DDX60L: variants seen among roughly 807,000 people sequenced by gnomAD.
The protein encoded by DDX60L is DExD/H-box 60 like, also known as probable ATP-dependent RNA helicase DDX60-like.
DDX60L carries 191 observed loss-of-function variants against 211.6 expected under a neutral mutation model. The observed-to-expected ratio is 0.90, with a 90% CI of 0.80 to 1.02. The LOEUF (loss-of-function observed/expected upper bound fraction) is 1.02, where lower values mean the gene tolerates loss of function less well. DDX60L is among the 50% of genes least tolerant of loss of function. The pLI is 0.00. For synonymous variants in DDX60L, 706 were observed against 694.1 expected, an observed-to-expected ratio of 1.02 and a Z score of -0.27; for missense variants, 2,007 against 1,984.1, an observed-to-expected ratio of 1.01 and a Z score of -0.22.
chr4:168,360,095 A>T (rs1738850210), intron 37 of DDX60L, among the ~76,000 whole-genome samples: 1 of 152,186 alleles, frequency 6.6e-6, no homozygotes, highest in Non-Finnish European at 1.5e-5. Flanking sequence ...CATTAATCAT[A>T]AAGTTATTTA....
At chr4:168,399,696 G>A (rs1372483389) in intron 26 of DDX60L, among the ~76,000 whole-genome samples, 1 of 152,170 alleles carries the variant, frequency 6.6e-6, no homozygotes, top group African/African-American at 2.4e-5. Flanking sequence ...GAGCCAGTAA[G>A]TGAGGATGGA....
rs73863612 is a variant in DDX60L, at chr4:168,454,065, C to T, written c.838-783G>A. Among the ~76,000 whole-genome samples, 1,015 of 152,206 alleles carry T rather than the reference C, an allele frequency of 6.7e-3. 14 individuals are homozygous for T. Among genetic ancestry groups the T allele is most frequent in the African/African-American group, 0.02 (844 of 41,534 alleles). ...GAGAAATCAGCTTTTATACCCAGAACCCTATGATGGGTGCTATTCACACTC... is the reference window on the plus strand; with the variant it reads ...GAGAAATCAGCTTTTATACCCAGAATCCTATGATGGGTGCTATTCACACTC... On this transcript the variant is annotated intron_variant, in intron 7 of 37. Transcript: ENST00000682922.
Position 168,420,320 on chromosome 4 carries a change from C to T in DDX60L, c.2455G>A (p.Gly819Ser), listed in dbSNP as rs753905698. The T allele has an allele frequency of 1.5e-5, 24 of 1,611,716 alleles. No individual in the cohort carries two copies. Among genetic ancestry groups the T allele is most frequent in the East Asian group, 2.2e-5 (1 of 44,850 alleles). Residue 819 changes from glycine (G) to serine (S), a missense_variant, in exon 18 of 38, where the codon GGC (glycine) becomes AGC (serine). Gly to Ser is a moderately conservative substitution (Grantham distance 56, BLOSUM62 0). Coordinates refer to ENST00000682922, the MANE Select transcript of DDX60L (RefSeq NM_001012967.3). ...ENRFTKTLPA[G>S]RTLCGAFTRD... ...GTAAAAGCACCGCATAGAGTTCTGC[C>T]GGCAGGCAACGTTTTAGTAAAACGA...
intron 8 of DDX60L, among the ~76,000 whole-genome samples, chr4:168,449,644 A>AAAAAG (rs1755416366): frequency 1.4e-5 from 1 of 72,992 alleles, no homozygotes; most frequent in African/African-American, 6.3e-5. Flanking sequence ...AAACAAAAAA[A>AAAAAG]AAAAATGCAA....
chr4:168,379,302 T>C (rs2149674275), intron 32 of DDX60L, 61 bp downstream of exon 32: 2 of 1,353,418 alleles, frequency 1.5e-6, no homozygotes, highest in Non-Finnish European at 9.9e-7. Context: ...ATATCTGCGG[T>C]TTTGGCTATT....
Position 168,430,469 on chromosome 4 carries a change from G to C in DDX60L, c.1677+9C>G, listed in dbSNP as rs773049088. On this transcript the variant is annotated intron_variant, in intron 13 of 37. Transcript: ENST00000682922. ...AAGAAAAAAATTAGGTAAAATCTTT[G>C]CGATCTACCTGTAATATTTCACCAC... 96 of 1,556,678 alleles carry C rather than the reference G, an allele frequency of 6.2e-5. 1 individual carries two copies. Among genetic ancestry groups the C allele is most frequent in the Admixed American group, 4.1e-4 (19 of 46,234 alleles).
intron 6 of DDX60L, among the ~76,000 whole-genome samples, chr4:168,457,493 T>C (rs1439142623): frequency 2.0e-5 from 3 of 150,780 alleles, no homozygotes; most frequent in East Asian, 3.9e-4. Flanking sequence ...TGATAAATAG[T>C]AGTATAAAGC....
At chr4:168,413,513 T>TAG (rs1374942296) in intron 22 of DDX60L, among the ~76,000 whole-genome samples, 3 of 151,954 alleles carry the variant, frequency 2.0e-5, no homozygotes, top group Non-Finnish European at 4.4e-5. Context: ...AATAGAATGA[T>TAG]AGCAGGATCC....
At chr4:168,410,187 T>C (rs1748443941) in intron 22 of DDX60L, among the ~76,000 whole-genome samples, 1 of 152,018 alleles carries the variant, frequency 6.6e-6, no homozygotes, top group African/African-American at 2.4e-5. Flanking sequence ...TTGGTGTCAT[T>C]TAAAAAGTAC....
intron 1 of DDX60L, among the ~76,000 whole-genome samples, chr4:168,473,377 A>G (rs1244698754): frequency 6.6e-6 from 1 of 152,208 alleles, no homozygotes; most frequent in African/African-American, 2.4e-5. Flanking sequence ...GAGGTGCATA[A>G]AGAAAGCTAC....
Position 168,441,191 on chromosome 4 carries a change from T to C in DDX60L, c.1294+146A>G, listed in dbSNP as rs867715804. ...GGTTTACTTTAACCACATTATTATATGTATTTTAAACCTCAATTAAGAGGT... is the reference window on the plus strand; with the variant it reads ...GGTTTACTTTAACCACATTATTATACGTATTTTAAACCTCAATTAAGAGGT... On this transcript the variant is annotated intron_variant, in intron 10 of 37. Coordinates refer to ENST00000682922, the MANE Select transcript of DDX60L (RefSeq NM_001012967.3). The C allele has an allele frequency of 2.3e-5, 17 of 725,498 alleles. 1 individual carries two copies. Among genetic ancestry groups the C allele is most frequent in the African/African-American group, 1.4e-4 (8 of 56,612 alleles). The allele number at this position is 725,498 out of a possible 1,614,324, so 44.9% of individuals were successfully genotyped here. A position where few individuals can be genotyped will look rare whatever the true frequency, so the allele number is the denominator to read the frequency against.
At chr4:168,376,908 A>T (rs1256147501) in intron 33 of DDX60L, among the ~76,000 whole-genome samples, 1 of 152,238 alleles carries the variant, frequency 6.6e-6, no homozygotes, top group Non-Finnish European at 1.5e-5. Flanking sequence ...TAGAGCAGTT[A>T]TCCCAAATTA....
chr4:168,367,036 A>G (rs1174996740), intron 36 of DDX60L, among the ~76,000 whole-genome samples: 1 of 152,066 alleles, frequency 6.6e-6, no homozygotes, highest in African/African-American at 2.4e-5. Flanking sequence ...TAATAGCATA[A>G]TATAATATGC....
intron 2 of DDX60L, 52 bp from the exon 3 acceptor site, chr4:168,472,576 AT>A (rs1554024205): frequency 6.4e-7 from 1 of 1,566,438 alleles, no homozygotes. Context: ...CAGCTATATA[AT>A]TTAGTAATTA....
chr4:168,411,724 A>T lies in DDX60L; in HGVS notation c.2979+3684T>A, dbSNP rs191418700. 3.3e-3 allele frequency among the ~76,000 whole-genome samples: 495 copies of T among 152,202 alleles called. 1 individual carries two copies. Among genetic ancestry groups the T allele is most frequent in the African/African-American group, 0.011 (469 of 41,534 alleles). On this transcript the variant is annotated intron_variant, in intron 22 of 37. Coordinates refer to ENST00000682922, the MANE Select transcript of DDX60L (RefSeq NM_001012967.3). ...GCTGTGCTGGGCTCAGAGCCTATGG[A>T]CTTGGGGTGTATGCAATCTACTGAG...
At chr4:168,430,823 T>A (rs1328964884) in intron 12 of DDX60L, among the ~76,000 whole-genome samples, 185 bp from the exon 13 acceptor site, 1 of 152,168 alleles carries the variant, frequency 6.6e-6, no homozygotes, top group Non-Finnish European at 1.5e-5. Flanking sequence ...GAAGCTCTGC[T>A]AATGTCCGGG....
At position 168,461,692 on chromosome 4, in the gene DDX60L, C is replaced by T. The variant is rs1028677194; in HGVS notation, c.606+7G>A. The T allele has an allele frequency of 7.3e-6, 11 of 1,506,706 alleles. No individual in the cohort carries two copies. The highest frequency in any genetic ancestry group is 8.9e-6 in the Non-Finnish European group (10 of 1,124,336). The allele number at this position is 1,506,706 out of a possible 1,614,324, so 93.3% of individuals were successfully genotyped here. ...CAGGAAAAAAATGAGTTATTAATGT[C>T]AATTACCTCCTTGGAAAAAGTTTGG... On this transcript the variant is annotated splice_region_variant and intron_variant, in intron 5 of 37. Transcript: ENST00000682922.
chr4:168,391,437 A>G lies in DDX60L; in HGVS notation c.3915+103T>C, dbSNP rs1002041652. 4.0e-6 allele frequency: 3 copies of G among 751,374 alleles called. No homozygotes were observed. In the African/African-American group the frequency reaches 5.3e-5, roughly 13 times the overall value. 46.5% of individuals were successfully genotyped at this position (751,374 alleles called of 1,614,324 possible). ...AATGCTATGCCACATAGAAAGTAAA[A>G]GGAAGGACACAAACCGTAGCCTGTT... is the stretch of plus-strand genomic sequence containing the variant. On this transcript the variant is annotated intron_variant, in intron 29 of 37. Transcript: ENST00000682922.
intron 22 of DDX60L, among the ~76,000 whole-genome samples, chr4:168,408,273 C>A (rs1416680942): frequency 2.0e-5 from 3 of 152,282 alleles, no homozygotes; most frequent in African/African-American, 7.2e-5. Flanking sequence ...GAATAATTAT[C>A]CTTACACCAC....
Sources: allele counts gnomAD v4.1 joint callset (sites outside exome capture counted in the v4.1 genomes callset), GRCh38; gene constraint gnomAD v4.1.1; transcripts MANE v1.5; gene names NCBI Gene and HGNC (gene_info 2026-07-23, HGNC 2026-07-21).